SOX6: variants seen among roughly 807,000 people sequenced by gnomAD.
SOX6 encodes SRY-box transcription factor 6.
Under a neutral mutation model 97.8 loss-of-function variants are expected in SOX6, and 11 were observed. That is an observed-to-expected ratio of 0.11 (90% CI 0.07 to 0.19). The LOEUF (loss-of-function observed/expected upper bound fraction) is 0.19, where lower values mean the gene tolerates loss of function less well. Ranked by LOEUF, SOX6 falls within the 10% of genes least tolerant of loss-of-function variation. The pLI is 1.00. For missense variants in SOX6, 810 were observed against 1,039.5 expected, an observed-to-expected ratio of 0.78 and a Z score of 3.04; for synonymous variants, 360 against 371.4, an observed-to-expected ratio of 0.97 and a Z score of 0.35.
intron 4 of SOX6, among the ~76,000 whole-genome samples, chr11:16,486,152 T>C (rs1199462743): frequency 1.3e-5 from 2 of 151,974 alleles, no homozygotes; most frequent in African/African-American, 2.4e-5. Context: ...TGGTACAGAA[T>C]TACCATGTGA....
chr11:15,998,178 G>A (rs569333174), intron 13 of SOX6, among the ~76,000 whole-genome samples: 1 of 151,142 alleles, frequency 6.6e-6, no homozygotes, highest in Non-Finnish European at 1.5e-5. Context: ...ATATATAATT[G>A]TTTACATAAA....
intron 2 of SOX6, among the ~76,000 whole-genome samples, chr11:16,337,996 T>C (rs981925321): frequency 1.3e-5 from 2 of 152,048 alleles, no homozygotes; most frequent in Non-Finnish European, 2.9e-5. Flanking sequence ...ACAGAAAACT[T>C]CCTCTGTGGT....
chr11:16,055,215 CTTTAT>C (rs989115028), intron 10 of SOX6, among the ~76,000 whole-genome samples: 21 of 151,998 alleles, frequency 1.4e-4, no homozygotes, highest in Admixed American at 5.2e-4. Context: ...GGACAGTCCT[CTTTAT>C]TTTATTTTAT....
chr11:16,380,933 G>C (rs2134409062), intron 1 of SOX6, among the ~76,000 whole-genome samples: 1 of 152,118 alleles, frequency 6.6e-6, no homozygotes, highest in African/African-American at 2.4e-5. Flanking sequence ...TCCCGGCCCT[G>C]ATTTCTAAAC....
chr11:16,071,910 T>C (rs947282925), intron 9 of SOX6, among the ~76,000 whole-genome samples: 25 of 137,048 alleles, frequency 1.8e-4, no homozygotes, highest in African/African-American at 6.5e-4. Context: ...CTAAGAAGAT[T>C]AAAAAAAAAA....
intron 3 of SOX6, among the ~76,000 whole-genome samples, chr11:16,682,865 A>C (rs1847939151): frequency 6.6e-6 from 1 of 152,254 alleles, no homozygotes; most frequent in Non-Finnish European, 1.5e-5. Context: ...AAATCTCCTT[A>C]AGCTGATAAG....
intron 6 of SOX6, among the ~76,000 whole-genome samples, chr11:16,167,534 A>G (rs78854821): frequency 2.3e-3 from 347 of 152,214 alleles, no homozygotes; most frequent in African/African-American, 8.1e-3. Flanking sequence ...AACGATGTAA[A>G]AGATCATCTG....
chr11:16,000,704 G>A (rs1444624245), intron 13 of SOX6, among the ~76,000 whole-genome samples: 3 of 151,726 alleles, frequency 2.0e-5, no homozygotes, highest in Non-Finnish European at 4.4e-5. Context: ...TAGGGAGAGA[G>A]AGAGGATGAC....
intron 12 of SOX6, among the ~76,000 whole-genome samples, chr11:16,023,004 T>A (rs60968744): frequency 0.027 from 4,083 of 152,250 alleles, 181 homozygotes; most frequent in African/African-American, 0.093. Flanking sequence ...CAAAATCCTA[T>A]GTATTTCCGA....
At position 16,030,256 on chromosome 11, in the gene SOX6, C is replaced by T. The variant is rs148640236; in HGVS notation, c.1624-15206G>A. Among the ~76,000 whole-genome samples, 506 of 152,144 alleles carry T rather than the reference C, an allele frequency of 3.3e-3. 1 individual carries two copies. The highest frequency in any genetic ancestry group is 0.012 in the African/African-American group (485 of 41,496). ...AATAAATATGATCTATTTAGAAATGCTTAGGTTTGAAATATTAGTCTTCCC... is the reference window on the plus strand; with the variant it reads ...AATAAATATGATCTATTTAGAAATGTTTAGGTTTGAAATATTAGTCTTCCC... On this transcript the variant is annotated intron_variant, in intron 12 of 15. Coordinates refer to ENST00000683767, the MANE Select transcript of SOX6 (RefSeq NM_001367873.1).
intron 1 of SOX6, among the ~76,000 whole-genome samples, chr11:16,361,819 A>G (rs1857217710): frequency 6.6e-6 from 1 of 152,246 alleles, no homozygotes; most frequent in Non-Finnish European, 1.5e-5. Flanking sequence ...AAATTCAGGA[A>G]AAAATATGTA....
chr11:16,578,032 A>AT (rs1565184885), intron 4 of SOX6, among the ~76,000 whole-genome samples: 4 of 152,132 alleles, frequency 2.6e-5, no homozygotes, highest in Admixed American at 2.6e-4. Context: ...GTTTTCTTCC[A>AT]TAAGTTTTAT....
intron 1 of SOX6, among the ~76,000 whole-genome samples, chr11:16,419,219 A>G (rs1425657378): frequency 6.6e-6 from 1 of 152,182 alleles, no homozygotes; most frequent in Non-Finnish European, 1.5e-5. Flanking sequence ...ATTCACAAGT[A>G]TGATTATCAA....
chr11:16,258,871 TATATATACATATATACACACAC>T (rs1242305961), intron 3 of SOX6, among the ~76,000 whole-genome samples: 9 of 151,370 alleles, frequency 5.9e-5, no homozygotes, highest in South Asian at 2.1e-4. Flanking sequence ...ATACACACAT[TATATATACATATATACACACAC>T]ATATATACAT....
intron 4 of SOX6, among the ~76,000 whole-genome samples, chr11:16,201,918 C>A (rs1206853206): frequency 6.6e-6 from 1 of 151,594 alleles, no homozygotes; most frequent in Non-Finnish European, 1.5e-5. Flanking sequence ...CAGGCGTGAG[C>A]CACCGCGCCC....
intron 6 of SOX6, among the ~76,000 whole-genome samples, chr11:16,152,647 C>T (rs1850487162): frequency 6.6e-6 from 1 of 152,096 alleles, no homozygotes; most frequent in Admixed American, 6.6e-5. Context: ...ACAGATATTA[C>T]ATTTCCCTCT....
intron 5 of SOX6, 138 bp downstream of exon 5, chr11:16,186,644 GT>G (rs201353701): frequency 1.9e-4 from 202 of 1,061,496 alleles, no homozygotes; most frequent in Middle Eastern, 6.4e-4. Flanking sequence ...AGAAGGCTTT[GT>G]TTTTTTTTTC....
At chr11:16,255,625 A>G (rs71484707) in intron 3 of SOX6, among the ~76,000 whole-genome samples, 6,185 of 152,208 alleles carry the variant, frequency 0.041, 171 homozygotes, top group Middle Eastern at 0.071. Flanking sequence ...GGAAGCATAC[A>G]GCATCAATCT....
At chr11:16,435,270 AT>A (rs1859353743) in intron 1 of SOX6, among the ~76,000 whole-genome samples, 1 of 152,192 alleles carries the variant, frequency 6.6e-6, no homozygotes, top group Non-Finnish European at 1.5e-5. Flanking sequence ...GAGGCTTGTG[AT>A]TTTAAAAACT....
Sources: allele counts gnomAD v4.1 joint callset (sites outside exome capture counted in the v4.1 genomes callset), GRCh38; gene constraint gnomAD v4.1.1; transcripts MANE v1.5; gene names NCBI Gene and HGNC (gene_info 2026-07-23, HGNC 2026-07-21).